Variants in PLPPR4 observed in about 807,000 individuals in gnomAD.
PLPPR4 encodes the protein phospholipid phosphatase-related protein type 4.
PLPPR4 carries 24 observed loss-of-function variants against 56.6 expected under a neutral mutation model. The observed-to-expected ratio is 0.42, with a 90% CI of 0.31 to 0.60. The LOEUF (loss-of-function observed/expected upper bound fraction) is 0.60, where lower values mean the gene tolerates loss of function less well. Ranked by LOEUF, PLPPR4 falls within the 20% of genes least tolerant of loss-of-function variation. The pLI is 0.13. For synonymous variants in PLPPR4, 326 were observed against 328.1 expected, an observed-to-expected ratio of 0.99 and a Z score of 0.07; for missense variants, 654 against 885.8, an observed-to-expected ratio of 0.74 and a Z score of 3.32.
At chr1:99,287,017 G>C (rs1403842286) in intron 1 of PLPPR4, among the ~76,000 whole-genome samples, 2 of 151,768 alleles carry the variant, frequency 1.3e-5, no homozygotes, top group Admixed American at 6.6e-5. Flanking sequence ...CTATTGACCT[G>C]TCTTCTAAGT....
intron 2 of PLPPR4, among the ~76,000 whole-genome samples, chr1:99,293,128 G>C (rs1482142916): frequency 6.6e-6 from 1 of 152,096 alleles, no homozygotes; most frequent in Non-Finnish European, 1.5e-5. Context: ...ACGTGGAGTG[G>C]GGGTAAGGCA....
chr1:99,286,710 G>A (rs1659471858), intron 1 of PLPPR4, among the ~76,000 whole-genome samples: 1 of 152,132 alleles, frequency 6.6e-6, no homozygotes, highest in Non-Finnish European at 1.5e-5. Context: ...AAATGAATTC[G>A]AATATTACAG....
At chr1:99,301,013 T>C in intron 5 of PLPPR4, 47 bp downstream of exon 5, 1 of 1,534,380 alleles carries the variant, frequency 6.5e-7, no homozygotes, top group Non-Finnish European at 9.0e-7. Flanking sequence ...ACAGAAAATC[T>C]GAGGAATGAA....
At chr1:99,264,983 T>C (rs1001683577) in intron 1 of PLPPR4, among the ~76,000 whole-genome samples, 2 of 152,228 alleles carry the variant, frequency 1.3e-5, no homozygotes, top group Admixed American at 6.5e-5. Flanking sequence ...CAACGTCCGC[T>C]AGTGCCCCAG....
chr1:99,284,780 A>G (rs1328891403), intron 1 of PLPPR4, among the ~76,000 whole-genome samples: 1 of 152,194 alleles, frequency 6.6e-6, no homozygotes, highest in Non-Finnish European at 1.5e-5. Flanking sequence ...TTCATATGTT[A>G]ATGTGGCATA....
chr1:99,282,971 C>A (rs11166213), intron 1 of PLPPR4, among the ~76,000 whole-genome samples: 22,402 of 146,764 alleles, frequency 0.15, 3,110 homozygotes, highest in African/African-American at 0.36. Context: ...TATATATGTG[C>A]AATATATAGT....
intron 6 of PLPPR4, among the ~76,000 whole-genome samples, chr1:99,303,284 T>G (rs72980867): frequency 0.059 from 8,929 of 152,120 alleles, 860 homozygotes; most frequent in African/African-American, 0.2. Flanking sequence ...GTTTCCAGCA[T>G]GGAACACTGG....
upstream of PLPPR4, chr1:99,264,432 AG>A: frequency 6.8e-7 from 1 of 1,464,450 alleles, no homozygotes; most frequent in East Asian, 2.5e-5. Context: ...AGGGGCGGGG[AG>A]AAGGCGGGGG....
At chr1:99,303,323 G>C (rs1659933663) in intron 6 of PLPPR4, among the ~76,000 whole-genome samples, 1 of 152,158 alleles carries the variant, frequency 6.6e-6, no homozygotes, top group African/African-American at 2.4e-5. Flanking sequence ...AGCAGACCAG[G>C]TAAATGACAG....
chr1:99,287,048 C>T (rs1659482376), intron 1 of PLPPR4, among the ~76,000 whole-genome samples: 1 of 152,134 alleles, frequency 6.6e-6, no homozygotes, highest in Non-Finnish European at 1.5e-5. Flanking sequence ...CAACCCTCAA[C>T]CCCCAACATG....
At chr1:99,282,434 T>C (rs1031548273) in intron 1 of PLPPR4, among the ~76,000 whole-genome samples, 4 of 152,218 alleles carry the variant, frequency 2.6e-5, no homozygotes, top group Non-Finnish European at 5.9e-5. Context: ...GAGTTTTCTC[T>C]GTTTGGTTTA....
At chr1:99,303,408 G>A (rs1557783322) in intron 6 of PLPPR4, among the ~76,000 whole-genome samples, 2 of 152,054 alleles carry the variant, frequency 1.3e-5, no homozygotes, top group Non-Finnish European at 2.9e-5. Flanking sequence ...GTTGCTTCTG[G>A]AATTCAAAAG....
At chr1:99,301,302 C>T (rs1414222448) in intron 5 of PLPPR4, among the ~76,000 whole-genome samples, 1 of 145,472 alleles carries the variant, frequency 6.9e-6, no homozygotes, top group African/African-American at 2.8e-5. Flanking sequence ...ACAACGTGCA[C>T]ACACACACAC....
At position 99,307,854 on chromosome 1, in the gene PLPPR4, A is replaced by G. The variant is rs1297777969; in HGVS notation, c.*844A>G. ...AATATTATTTTAGAGAATCTTTTGA[A>G]ATTGTTGTGATCATATTTTGCTTTC... On this transcript the variant is annotated 3_prime_UTR_variant, in exon 7 of 7. Transcript: ENST00000370185. 1 of 152,182 alleles carries G rather than the reference A, an allele frequency of 6.6e-6. No individual in the cohort carries two copies. Among genetic ancestry groups the G allele is most frequent in the African/African-American group, 2.4e-5 (1 of 41,458 alleles). The allele number at this position is 152,182 out of a possible 1,614,324, so 9.4% of individuals were successfully genotyped here.
At chr1:99,264,285 G>C (rs530290709), upstream of PLPPR4, 100 of 608,918 alleles carry the variant, frequency 1.6e-4, no homozygotes, top group African/African-American at 1.6e-3. Context: ...GAGGGTGACA[G>C]GGAGGGGAAG....
chr1:99,275,566 A>C (rs576163535), intron 1 of PLPPR4, among the ~76,000 whole-genome samples: 2 of 152,176 alleles, frequency 1.3e-5, no homozygotes, highest in African/African-American at 2.4e-5. Context: ...TAATTAATGA[A>C]TATAGGGAGA....
At chr1:99,268,761 C>G (rs543031871) in intron 1 of PLPPR4, among the ~76,000 whole-genome samples, 2 of 152,252 alleles carry the variant, frequency 1.3e-5, no homozygotes, top group South Asian at 4.1e-4. Flanking sequence ...AGCATACCCA[C>G]ACCTTATTAG....
chr1:99,285,570 T>C (rs919425613), intron 1 of PLPPR4, among the ~76,000 whole-genome samples: 1 of 152,116 alleles, frequency 6.6e-6, no homozygotes, highest in Non-Finnish European at 1.5e-5. Context: ...CTGCAAAGCA[T>C]CCATCTGAAA....
chr1:99,277,968 T>C (rs1415565035), intron 1 of PLPPR4, among the ~76,000 whole-genome samples: 1 of 152,138 alleles, frequency 6.6e-6, no homozygotes. Context: ...CCACTAATAG[T>C]GAAAACACTA....
Sources: gnomAD v4.1 joint callset for allele counts (sites outside exome capture counted in the v4.1 genomes callset) on GRCh38, gnomAD v4.1.1 for gene constraint, MANE v1.5 for transcripts, NCBI Gene and HGNC (gene_info 2026-07-23, HGNC 2026-07-21) for gene names.